DOCK1: variants seen among roughly 807,000 people sequenced by gnomAD.
The protein encoded by DOCK1 is dedicator of cytokinesis 1, also known as dedicator of cytokinesis protein 1.
Under a neutral mutation model 262.7 loss-of-function variants are expected in DOCK1, and 138 were observed. The observed-to-expected ratio is 0.53, with a 90% CI of 0.46 to 0.61. The LOEUF (loss-of-function observed/expected upper bound fraction) is 0.61. DOCK1 is among the 20% of genes least tolerant of loss of function. The pLI is 0.00. For missense variants in DOCK1, 1,908 were observed against 2,370.7 expected, an observed-to-expected ratio of 0.80 and a Z score of 4.05; for synonymous variants, 866 against 867.4, an observed-to-expected ratio of 1.00 and a Z score of 0.03.
At chr10:127,386,459 C>A (rs2066126590) in intron 38 of DOCK1, among the ~76,000 whole-genome samples, 1 of 151,944 alleles carries the variant, frequency 6.6e-6, no homozygotes, top group African/African-American at 2.4e-5. Context: ...CGCATTACCA[C>A]CTGAGCTCCA....
intron 1 of DOCK1, among the ~76,000 whole-genome samples, chr10:126,948,910 C>T (rs1470545424): frequency 6.6e-6 from 1 of 152,090 alleles, no homozygotes; most frequent in Non-Finnish European, 1.5e-5. Flanking sequence ...CGTGAGAAGG[C>T]AGGTCTGGAG....
At chr10:127,277,764 A>G (rs2060796244) in intron 29 of DOCK1, among the ~76,000 whole-genome samples, 1 of 152,178 alleles carries the variant, frequency 6.6e-6, no homozygotes, top group Non-Finnish European at 1.5e-5. Flanking sequence ...CTCCATCTCA[A>G]AAAAAGAACT....
intron 11 of DOCK1, among the ~76,000 whole-genome samples, chr10:127,011,800 A>G (rs1246013062): frequency 6.6e-6 from 1 of 151,212 alleles, no homozygotes; most frequent in Non-Finnish European, 1.5e-5. Flanking sequence ...TTTTTTTTAA[A>G]TCTTGATTTT....
chr10:126,921,360 C>T (rs1473415016), intron 1 of DOCK1, among the ~76,000 whole-genome samples: 4 of 152,022 alleles, frequency 2.6e-5, no homozygotes, highest in African/African-American at 4.8e-5. Context: ...ATTATTCAGC[C>T]ATGAAAAGGA....
chr10:127,451,156 C>T (rs990592143), intron 51 of DOCK1, among the ~76,000 whole-genome samples, 176 bp from the exon 52 acceptor site: 1 of 152,100 alleles, frequency 6.6e-6, no homozygotes, highest in Admixed American at 6.5e-5. Flanking sequence ...CCATAGCAGC[C>T]CAGTCTTGAG....
At chr10:127,389,953 G>T (rs549464737) in intron 38 of DOCK1, among the ~76,000 whole-genome samples, 2 of 151,506 alleles carry the variant, frequency 1.3e-5, no homozygotes, top group East Asian at 2.0e-4. Context: ...GGCGGAGATT[G>T]CAGTGAGCCG....
chr10:127,247,491 C>T (rs1345819695), intron 27 of DOCK1, among the ~76,000 whole-genome samples: 1 of 152,172 alleles, frequency 6.6e-6, no homozygotes, highest in Non-Finnish European at 1.5e-5. Flanking sequence ...GCTGCACACA[C>T]ATTTTGCCGG....
At chr10:126,917,394 T>G (rs1041456756) in intron 1 of DOCK1, among the ~76,000 whole-genome samples, 2 of 152,164 alleles carry the variant, frequency 1.3e-5, no homozygotes, top group Non-Finnish European at 2.9e-5. Context: ...GGGCCTGTCA[T>G]TCATTCTGGT....
intron 38 of DOCK1, among the ~76,000 whole-genome samples, chr10:127,395,242 G>A (rs2066751413): frequency 6.6e-6 from 1 of 152,112 alleles, no homozygotes; most frequent in African/African-American, 2.4e-5. Flanking sequence ...TCTGGACCTG[G>A]GAATTCCTAG....
chr10:127,023,542 CTTTTTTT>C lies in DOCK1; in HGVS notation c.1452+230_1452+236del, dbSNP rs10652401. 3.2e-3 allele frequency among the ~76,000 whole-genome samples: 403 copies of C among 124,376 alleles called. 3 individuals carry two copies. The highest frequency in any genetic ancestry group is 4.8e-3 in the Non-Finnish European group (290 of 60,776). The allele number at this position is 124,376 out of a possible 152,430, so 81.6% of individuals were successfully genotyped here. A position where few individuals can be genotyped will look rare whatever the true frequency, so the allele number is the denominator to read the frequency against. On this transcript the variant is annotated intron_variant, in intron 14 of 51. Coordinates refer to ENST00000623213, the MANE Select transcript of DOCK1 (RefSeq NM_001290223.2). ...GCCTATCTCAGGAGGTCCCTGTGGTCTTTTTTTTTTTTTTTTTTGAGATGGAGTCTAG... is the reference window on the plus strand; with the variant it reads ...GCCTATCTCAGGAGGTCCCTGTGGTCTTTTTTTTTTTGAGATGGAGTCTAG...
intron 27 of DOCK1, among the ~76,000 whole-genome samples, chr10:127,221,661 A>G (rs752456681): frequency 3.9e-5 from 6 of 152,208 alleles, no homozygotes; most frequent in Non-Finnish European, 7.3e-5. Flanking sequence ...AAGTGCATCA[A>G]CGCTCAAGGT....
chr10:127,071,463 A>G (rs2046228942), intron 23 of DOCK1, among the ~76,000 whole-genome samples: 1 of 152,240 alleles, frequency 6.6e-6, no homozygotes, highest in Non-Finnish European at 1.5e-5. Context: ...AGTAGCTGAA[A>G]TGAAAATCAT....
chr10:127,187,438 CCT>C (rs1237407801), intron 27 of DOCK1, among the ~76,000 whole-genome samples: 4 of 152,174 alleles, frequency 2.6e-5, no homozygotes, highest in African/African-American at 9.7e-5. Flanking sequence ...CTTTCCAAAA[CCT>C]CACATGACCC....
chr10:127,146,150 TC>T (rs762058709), intron 27 of DOCK1: 22 of 451,372 alleles, frequency 4.9e-5, no homozygotes, highest in Non-Finnish European at 9.6e-5. Flanking sequence ...GACAGCGTAG[TC>T]CCCTCATGCT....
At chr10:127,262,228 G>GTT (rs1564947255) in intron 29 of DOCK1, among the ~76,000 whole-genome samples, 1 of 150,598 alleles carries the variant, frequency 6.6e-6, no homozygotes, top group African/African-American at 2.4e-5. Flanking sequence ...GTGTGTGTGT[G>GTT]TACCCGTGCT....
intron 29 of DOCK1, among the ~76,000 whole-genome samples, chr10:127,292,850 G>T (rs2061391307): frequency 6.6e-6 from 1 of 152,152 alleles, no homozygotes; most frequent in Non-Finnish European, 1.5e-5. Context: ...AACCCGCCGA[G>T]AGCTGATACT....
At chr10:127,003,975 C>G (rs1362111764) in intron 10 of DOCK1, among the ~76,000 whole-genome samples, 1 of 151,448 alleles carries the variant, frequency 6.6e-6, no homozygotes, top group South Asian at 2.1e-4. Context: ...AAAAAAAAGG[C>G]CAGGTACAGT....
intron 1 of DOCK1, among the ~76,000 whole-genome samples, chr10:126,969,780 G>A (rs1007266566): frequency 1.3e-5 from 2 of 152,118 alleles, no homozygotes; most frequent in African/African-American, 4.8e-5. Context: ...ACGGTGGCCC[G>A]TGCTTGCCAG....
intron 30 of DOCK1, 25 bp downstream of exon 30, chr10:127,339,109 T>C (rs1392872140): frequency 6.5e-7 from 1 of 1,543,584 alleles, no homozygotes; most frequent in Non-Finnish European, 8.8e-7. Flanking sequence ...AGACACGACC[T>C]TTGTGGAGAA....
Sources: allele counts gnomAD v4.1 joint callset (sites outside exome capture counted in the v4.1 genomes callset), GRCh38; gene constraint gnomAD v4.1.1; transcripts MANE v1.5; gene names NCBI Gene and HGNC (gene_info 2026-07-23, HGNC 2026-07-21).